The following ANLN variants were observed in gnomAD, a reference collection of about 807,000 sequenced individuals.
ANLN encodes anillin, actin binding protein.
ANLN carries 59 observed loss-of-function variants against 135.1 expected under a neutral mutation model. The ratio of observed to expected loss-of-function variants is 0.44; its 90% CI spans 0.35 to 0.54. ANLN has a LOEUF of 0.54. ANLN is among the 20% of genes least tolerant of loss of function. The pLI, the probability that ANLN is intolerant of heterozygous loss-of-function variation, is 0.00. For synonymous variants in ANLN, 406 were observed against 456.4 expected (o/e 0.89, Z 1.41); for missense variants, 1,182 against 1,340.0 (o/e 0.88, Z 1.84).
intron 22 of ANLN, among the ~76,000 whole-genome samples, chr7:36,446,871 G>T (rs140823504): frequency 2.4e-4 from 36 of 152,160 alleles, no homozygotes; most frequent in African/African-American, 8.2e-4. Context: ...GTTTCCTTTG[G>T]TCTGTTTCCC....
chr7:36,398,334 A>G (rs1583593144), intron 2 of ANLN, among the ~76,000 whole-genome samples: 2 of 152,164 alleles, frequency 1.3e-5, no homozygotes, highest in Admixed American at 1.3e-4. Context: ...CCTCAAGCCA[A>G]TTGCCCTTCT....
chr7:36,411,017 G>C (rs201579104), intron 6 of ANLN, 42 bp from the exon 7 acceptor site: 2 of 1,520,942 alleles, frequency 1.3e-6, no homozygotes, highest in African/African-American at 1.4e-5. Context: ...TGTTAAACAT[G>C]CTACCGGCTC....
intron 23 of ANLN, 42 bp from the exon 24 acceptor site, chr7:36,452,435 A>G: frequency 6.2e-7 from 1 of 1,612,236 alleles, no homozygotes; most frequent in Non-Finnish European, 8.5e-7. Flanking sequence ...TATGGAATGG[A>G]GGGAGAAGAA....
chr7:36,396,395 C>A lies in ANLN; in HGVS notation c.148C>A (p.Gln50Lys). Residue 50 changes from glutamine (Q) to lysine (K), a missense_variant, in exon 2 of 24, where the codon CAG becomes AAG. Physicochemically the swap from Gln to Lys is moderately conservative, Grantham distance 53. This residue lies in a region of ANLN where 1,022 missense variants were observed against 1,134.0 expected (regional missense o/e 0.90). Coordinates refer to ENST00000265748, the MANE Select transcript of ANLN (RefSeq NM_018685.5). Reference protein sequence around the residue: ...ARQPLSEASNQQPLSGGEEKS... With the variant: ...ARQPLSEASNKQPLSGGEEKS... ...ACAGCCACTTTCAGAAGCAAGTAACCAGCAGCCCCTCTCTGGTGGTGAAGG... is the reference window on the plus strand; with the variant it reads ...ACAGCCACTTTCAGAAGCAAGTAACAAGCAGCCCCTCTCTGGTGGTGAAGG... 1 of 1,592,210 alleles carries A rather than the reference C, an allele frequency of 6.3e-7. No individual in the cohort carries two copies. The highest frequency in any genetic ancestry group is 8.6e-7 in the Non-Finnish European group (1 of 1,164,272).
chr7:36,423,515 ATTAG>A (rs1787963352), intron 14 of ANLN, among the ~76,000 whole-genome samples: 2 of 152,118 alleles, frequency 1.3e-5, no homozygotes, highest in South Asian at 2.1e-4. Flanking sequence ...GATATGTACT[ATTAG>A]TTAAGAATTA....
Position 36,417,180 on chromosome 7 carries a change from G to A in ANLN, c.1623G>A (p.Glu541=). The change falls in exon 9 of 24, where the codon GAG becomes GAA. Residue 541 remains glutamate (E), a synonymous_variant. Transcript: ENST00000265748. ...AAGTAACATCAGACCCAAAGGTTGA[G>A]CAGAAAATTGGTTGGTTTTTATTCT... The part of the protein sequence containing the change: ...SLKVTSDPKV[E]QKIEVIREIE... 1 of 1,589,312 alleles carries A rather than the reference G, an allele frequency of 6.3e-7. No individual in the cohort carries two copies. The highest frequency in any genetic ancestry group is 2.2e-5 in the East Asian group (1 of 44,558).
At chr7:36,410,942 A>G (rs1787385918) in intron 6 of ANLN, 117 bp from the exon 7 acceptor site, 11 of 1,024,510 alleles carry the variant, frequency 1.1e-5, no homozygotes, top group Non-Finnish European at 1.3e-5. Context: ...TTTTAAACTG[A>G]AAACTGTTTA....
chr7:36,420,638 G>C lies in ANLN; in HGVS notation c.2057G>C (p.Arg686Pro), dbSNP rs537605178. The change falls in exon 12 of 24, where the codon CGT (arginine) becomes CCT (proline). Residue 686 changes from arginine to proline, a missense_variant. Arg to Pro is a moderately radical substitution (Grantham distance 103). This residue lies in a region of ANLN where 1,022 missense variants were observed against 1,134.0 expected (regional missense o/e 0.90). Transcript: ENST00000265748. ...TCTCAAAGATTCAAAGAAACAGAAC[G>C]TCCATCAATAAAGCAGGTGATTGTT... is the stretch of plus-strand genomic sequence containing the variant. ...YRSQRFKETE[R>P]PSIKQVIVRK... 1 of 1,613,012 alleles carries C rather than the reference G, an allele frequency of 6.2e-7. No individual in the cohort carries two copies. Among genetic ancestry groups the C allele is most frequent in the Non-Finnish European group, 8.5e-7 (1 of 1,179,062 alleles).
chr7:36,391,921 G>A (rs1237556090), intron 1 of ANLN, among the ~76,000 whole-genome samples: 2 of 151,162 alleles, frequency 1.3e-5, no homozygotes, highest in South Asian at 2.1e-4. Context: ...TCCTCCCTGT[G>A]GTCGCTGATA....
chr7:36,397,682 G>A (rs1443741820), intron 2 of ANLN, among the ~76,000 whole-genome samples: 1 of 152,204 alleles, frequency 6.6e-6, no homozygotes, highest in African/African-American at 2.4e-5. Flanking sequence ...AGAGACTGAG[G>A]TGGGCAGATT....
Position 36,452,725 on chromosome 7 carries a change from A to T in ANLN, c.*125A>T, listed in dbSNP as rs944160405. The T allele has an allele frequency of 3.7e-6, 4 of 1,088,730 alleles. No homozygotes were observed. In the African/African-American group the frequency reaches 6.3e-5, roughly 17 times the overall value. 67.4% of individuals were successfully genotyped at this position (1,088,730 alleles called of 1,614,324 possible). On this transcript the variant is annotated 3_prime_UTR_variant, in exon 24 of 24. Transcript: ENST00000265748. ...GAAAGGGTTTGTGCCAATATTCACT[A>T]CGTATTATGCAGTATTTATATCTTT...
intron 22 of ANLN, chr7:36,448,841 G>A (rs987818597): frequency 1.3e-5 from 2 of 152,110 alleles, no homozygotes; most frequent in African/African-American, 4.8e-5. Context: ...ATTTGCTTCG[G>A]ATAAATTTAG....
intron 3 of ANLN, among the ~76,000 whole-genome samples, chr7:36,401,220 A>C (rs923668697): frequency 1.3e-5 from 2 of 152,208 alleles, no homozygotes; most frequent in African/African-American, 4.8e-5. Context: ...TTCATTTTAT[A>C]GAAGAAGGAA....
chr7:36,390,130 C>G, intron 1 of ANLN, 86 bp downstream of exon 1: 1 of 1,600,630 alleles, frequency 6.2e-7, no homozygotes, highest in Admixed American at 1.7e-5. Flanking sequence ...GGGCGAACCC[C>G]CACCGGGCGG....
In ANLN at chr7:36,417,116, T is replaced by A. The variant is rs759477786; in HGVS notation, c.1559T>A (p.Leu520Ter). 6.2e-7 allele frequency: 1 copy of A among 1,609,886 alleles called. No homozygotes were observed. The highest frequency in any genetic ancestry group is 1.1e-5 in the South Asian group (1 of 89,604). ...TECEMTKSSPLKITLFLEEDK... is the reference protein window; with the variant it reads ...TECEMTKSSP Reference sequence around the variant, plus strand: ...TGCGAAATGACGAAATCTAGCCCTTTGAAAATAACATTGTTTTTAGAAGAG... The same window carrying A: ...TGCGAAATGACGAAATCTAGCCCTTAGAAAATAACATTGTTTTTAGAAGAG... The change falls in exon 9 of 24, where the codon TTG becomes TAG. Residue 520 changes from leucine (L) to a stop codon, truncating the protein, a stop_gained. Transcript: ENST00000265748. LOFTEE classifies it high-confidence loss of function.
chr7:36,396,158 G>A lies in ANLN; in HGVS notation c.19-108G>A, dbSNP rs1396900087. The A allele has an allele frequency of 1.0e-5, 9 of 892,116 alleles. No individual in the cohort carries two copies. The South Asian group carries it at 1.0e-4, about 10-fold the overall frequency. 55.3% of individuals were successfully genotyped at this position (892,116 alleles called of 1,614,324 possible). A position where few individuals can be genotyped will look rare whatever the true frequency, so the allele number is the denominator to read the frequency against. ...TTGCTTAGGATTTCACTTTTGAAAT[G>A]TGTTTAACTGTCATCCTGTATGGCA... On this transcript the variant is annotated intron_variant, in intron 1 of 23. Coordinates refer to ENST00000265748, the MANE Select transcript of ANLN (RefSeq NM_018685.5).
At chr7:36,411,258 A>G in intron 7 of ANLN, 92 bp downstream of exon 7, 2 of 1,013,098 alleles carry the variant, frequency 2.0e-6, no homozygotes, top group Non-Finnish European at 2.8e-6. Context: ...TTCTTTACAC[A>G]TTTTTCTTTT....
chr7:36,434,716 T>G (rs894982358), intron 20 of ANLN, among the ~76,000 whole-genome samples: 5 of 151,756 alleles, frequency 3.3e-5, no homozygotes, highest in African/African-American at 1.2e-4. Context: ...ATACAAAAAT[T>G]AGCCAGGTGT....
Position 36,425,748 on chromosome 7 carries a change from G to T in ANLN, c.2748+8G>T. On this transcript the variant is annotated splice_region_variant and intron_variant, in intron 18 of 23. Transcript: ENST00000265748. The stretch of plus-strand genomic sequence containing the variant: ...CTCACATCTATAACCACAGTAAGTA[G>T]AATTTTTGAGAAATTGAGCTTCCTT... 1 of 1,609,950 alleles carries T rather than the reference G, an allele frequency of 6.2e-7. No individual in the cohort carries two copies. The highest frequency in any genetic ancestry group is 8.5e-7 in the Non-Finnish European group (1 of 1,177,596).
Sources: allele counts gnomAD v4.1 joint callset (sites outside exome capture counted in the v4.1 genomes callset), GRCh38; gene constraint gnomAD v4.1.1; regional missense constraint gnomAD v4.1.1; transcripts MANE v1.5; gene names NCBI Gene and HGNC (gene_info 2026-07-23, HGNC 2026-07-21).